CELF2: variants seen among roughly 807,000 people sequenced by gnomAD.
CELF2 encodes CUGBP Elav-like family member 2.
CELF2 carries 8 observed loss-of-function variants against 62.6 expected under a neutral mutation model. The ratio of observed to expected loss-of-function variants is 0.13; its 90% CI spans 0.07 to 0.23. The LOEUF (loss-of-function observed/expected upper bound fraction) is 0.23. Ranked by LOEUF, CELF2 falls within the 10% of genes least tolerant of loss-of-function variation. The pLI is 1.00. For synonymous variants in CELF2, 258 were observed against 250.0 expected (o/e 1.03, Z -0.30); for missense variants, 333 against 671.0 (o/e 0.50, Z 5.56).
the CELF2 span, among the ~76,000 whole-genome samples, chr10:10,664,595 G>A: frequency 6.6e-6 from 1 of 152,170 alleles, no homozygotes; most frequent in East Asian, 1.9e-4. Context: ...CAACAACTAC[G>A]GTGGGCTAGC....
In CELF2 at chr10:11,214,679, G is replaced by T. The variant is rs1485597988; in HGVS notation, c.272-2746G>T. Among the ~76,000 whole-genome samples the T allele has an allele frequency of 6.6e-6, 1 of 152,242 alleles. No homozygotes were observed. The highest frequency in any genetic ancestry group is 2.4e-5 in the African/African-American group (1 of 41,474). On this transcript the variant is annotated intron_variant, in intron 2 of 12. Coordinates refer to ENST00000633077, the MANE Select transcript of CELF2 (RefSeq NM_001326342.2). This position sits in a 1 kb window ranked among gnomAD's most constrained non-coding sequence, Gnocchi z 4.2. Reference sequence around the variant, plus strand: ...AGATGAACGGTAAGGCACATTAGCAGTGTTACCTACGGTATCCTCCTGCGT... The same window carrying T: ...AGATGAACGGTAAGGCACATTAGCATTGTTACCTACGGTATCCTCCTGCGT...
In CELF2 at chr10:11,328,309, G is replaced by A. The variant is rs1566024558; in HGVS notation, c.1439-617G>A. On this transcript the variant is annotated intron_variant, in intron 12 of 12. Coordinates refer to ENST00000633077, the MANE Select transcript of CELF2 (RefSeq NM_001326342.2). This position sits in a 1 kb window ranked among gnomAD's most constrained non-coding sequence, Gnocchi z 6.4. ...AGTCTCCTTGGTATTAACTCCAAAT[G>A]GGTAAAAATCAAGTATGAGTGAGTT... is the stretch of plus-strand genomic sequence containing the variant. Among the ~76,000 whole-genome samples, 2 of 152,202 alleles carry A rather than the reference G, an allele frequency of 1.3e-5. No individual in the cohort carries two copies. The highest frequency in any genetic ancestry group is 3.2e-3 in the Middle Eastern group (1 of 316).
chr10:11,042,838 G>A (rs2062086952), intron 1 of CELF2, among the ~76,000 whole-genome samples: 1 of 152,030 alleles, frequency 6.6e-6, no homozygotes, highest in African/African-American at 2.4e-5. Context: ...TGATGTTTTT[G>A]GAGATTTATC....
rs944133065 is a variant in CELF2, at chr10:11,280,050, C to T, written c.841+4930C>T. On this transcript the variant is annotated intron_variant, in intron 8 of 12. Coordinates refer to ENST00000633077, the MANE Select transcript of CELF2 (RefSeq NM_001326342.2). This position sits in a 1 kb window ranked among gnomAD's most constrained non-coding sequence, Gnocchi z 7.6. ...CCGTTTGCCAAGCACGCGCCCTTGC[C>T]TCTCGGTCTGGTGCCCTTTCAGGAT... 4.6e-5 allele frequency among the ~76,000 whole-genome samples: 7 copies of T among 152,202 alleles called. No homozygotes were observed. The highest frequency in any genetic ancestry group is 4.6e-4 in the Admixed American group (7 of 15,282).
At chr10:10,578,389 G>T in the CELF2 span, among the ~76,000 whole-genome samples, 58 of 152,062 alleles carry the variant, frequency 3.8e-4, no homozygotes, top group Non-Finnish European at 7.5e-4. Context: ...GTCAATTTTG[G>T]CTTTTGTTGC....
chr10:10,916,073 A>G (rs1203709105), intron 1 of CELF2, among the ~76,000 whole-genome samples: 1 of 152,236 alleles, frequency 6.6e-6, no homozygotes, highest in African/African-American at 2.4e-5. Flanking sequence ...AGCATAATCT[A>G]GAAGCATGGG....
chr10:11,293,680 TTG>T (rs924822339), intron 9 of CELF2, among the ~76,000 whole-genome samples: 13 of 152,362 alleles, frequency 8.5e-5, no homozygotes, highest in Admixed American at 2.6e-4. Flanking sequence ...GGCACTCACT[TTG>T]TGTCTTGCCC....
chr10:10,811,659 G>T (rs1402822610), intron 1 of CELF2, among the ~76,000 whole-genome samples: 1 of 152,202 alleles, frequency 6.6e-6, no homozygotes, highest in Non-Finnish European at 1.5e-5. Flanking sequence ...GCAGGGGCCT[G>T]TGTCAGGTAT....
chr10:11,180,542 A>G (rs2072989404), intron 2 of CELF2, among the ~76,000 whole-genome samples: 1 of 152,200 alleles, frequency 6.6e-6, no homozygotes, highest in Admixed American at 6.5e-5. Context: ...GGAAACATGA[A>G]GGGGGCCCTT....
At chr10:11,115,106 A>G (rs930305622) in intron 1 of CELF2, among the ~76,000 whole-genome samples, 3 of 152,246 alleles carry the variant, frequency 2.0e-5, no homozygotes, top group African/African-American at 7.2e-5. Context: ...ACTTGTTGCA[A>G]ATGGTCCAGG....
chr10:10,840,089 G>T (rs2058580558), intron 1 of CELF2, among the ~76,000 whole-genome samples: 1 of 151,950 alleles, frequency 6.6e-6, no homozygotes, highest in Admixed American at 6.6e-5. Flanking sequence ...GTACTAGTTT[G>T]TTGGTTTCTC....
chr10:10,691,872 A>C, the CELF2 span, among the ~76,000 whole-genome samples: 1 of 147,678 alleles, frequency 6.8e-6, no homozygotes, highest in South Asian at 2.2e-4. Flanking sequence ...TTTTCTTGTA[A>C]ATTTGTTTGA....
intron 1 of CELF2, among the ~76,000 whole-genome samples, chr10:10,874,948 A>G (rs1334229616): frequency 2.0e-5 from 3 of 152,240 alleles, no homozygotes; most frequent in Non-Finnish European, 4.4e-5. Context: ...AAATAAATAT[A>G]AATGTAAACT....
the CELF2 span, among the ~76,000 whole-genome samples, chr10:10,709,958 C>A: frequency 2.0e-5 from 3 of 152,196 alleles, no homozygotes; most frequent in African/African-American, 7.2e-5. Context: ...CCCCAGGGGA[C>A]CTGATGGCTT....
At chr10:11,058,136 A>G (rs922853589) in intron 1 of CELF2, among the ~76,000 whole-genome samples, 5 of 151,934 alleles carry the variant, frequency 3.3e-5, no homozygotes, top group Admixed American at 6.6e-5. Flanking sequence ...AGGATCTGGC[A>G]TGTTCCAGTC....
the CELF2 span, among the ~76,000 whole-genome samples, chr10:10,510,185 A>T: frequency 1.3e-5 from 2 of 152,200 alleles, no homozygotes; most frequent in Non-Finnish European, 2.9e-5. Context: ...ATCCCTCTGG[A>T]TGGACATTTT....
the CELF2 span, among the ~76,000 whole-genome samples, chr10:10,506,300 G>GTGTGTT: frequency 6.8e-6 from 1 of 147,186 alleles, no homozygotes; most frequent in Non-Finnish European, 1.5e-5. Context: ...GTGTGTGTGT[G>GTGTGTT]TATCTGTGTC....
chr10:11,001,927 T>C (rs1224770226), upstream of CELF2, among the ~76,000 whole-genome samples: 3 of 152,204 alleles, frequency 2.0e-5, no homozygotes, highest in South Asian at 4.1e-4. Context: ...CAACTCGACC[T>C]TCATTTGGAA....
At chr10:10,518,031 C>T in the CELF2 span, among the ~76,000 whole-genome samples, 1 of 152,160 alleles carries the variant, frequency 6.6e-6, no homozygotes, top group African/African-American at 2.4e-5. Flanking sequence ...AACCACCCAC[C>T]ATCTCCTTGA....
Sources: allele counts gnomAD v4.1 joint callset (sites outside exome capture counted in the v4.1 genomes callset), GRCh38; gene constraint gnomAD v4.1.1; non-coding constraint Gnocchi (gnomAD v3.1); transcripts MANE v1.5; gene names NCBI Gene and HGNC (gene_info 2026-07-23, HGNC 2026-07-21).